The following FUT8 variants were observed in gnomAD, a reference collection of about 807,000 sequenced individuals.
FUT8 encodes the protein fucosyltransferase 8.
FUT8 carries 29 observed loss-of-function variants against 71.3 expected under a neutral mutation model. The observed-to-expected ratio is 0.41, with a 90% confidence interval of 0.30 to 0.55. The LOEUF (loss-of-function observed/expected upper bound fraction) is 0.55, where lower values mean the gene tolerates loss of function less well. Ranked by LOEUF, FUT8 falls within the 20% of genes least tolerant of loss-of-function variation. FUT8 has a pLI of 0.34. For synonymous variants in FUT8, 254 were observed against 239.3 expected (o/e 1.06, Z -0.57); for missense variants, 544 against 702.1 (o/e 0.77, Z 2.55).
chr14:65,525,251 G>A (rs1309765367), intron 2 of FUT8, among the ~76,000 whole-genome samples: 2 of 152,154 alleles, frequency 1.3e-5, no homozygotes, highest in East Asian at 3.8e-4. Flanking sequence ...GCCTGTGATT[G>A]GTCTATTCAG....
intron 7 of FUT8, among the ~76,000 whole-genome samples, chr14:65,694,005 G>A (rs572074569): frequency 1.3e-4 from 20 of 151,496 alleles, no homozygotes; most frequent in Admixed American, 2.6e-4. Context: ...CTTTATTATC[G>A]TTTTAACGTC....
chr14:65,738,890 T>C (rs1335724276), intron 10 of FUT8, among the ~76,000 whole-genome samples: 2 of 152,120 alleles, frequency 1.3e-5, no homozygotes, highest in Admixed American at 6.6e-5. Flanking sequence ...GCTGGTATTA[T>C]GCCTGGAGCA....
intron 2 of FUT8, among the ~76,000 whole-genome samples, chr14:65,507,872 C>T (rs1022834881): frequency 1.6e-4 from 24 of 152,188 alleles, no homozygotes; most frequent in African/African-American, 5.5e-4. Flanking sequence ...TTTTAAGGAA[C>T]GTCCAAACTC....
chr14:65,387,686 T>C, the FUT8 span, among the ~76,000 whole-genome samples: 1 of 152,252 alleles, frequency 6.6e-6, no homozygotes, highest in Non-Finnish European at 1.5e-5. Context: ...TTGCCTGTGC[T>C]GTAGCCTGGA....
chr14:65,646,958 A>G (rs1422361611), intron 6 of FUT8, among the ~76,000 whole-genome samples: 1 of 152,210 alleles, frequency 6.6e-6, no homozygotes, highest in African/African-American at 2.4e-5. Flanking sequence ...GTGTACTTGG[A>G]TTATGCAAAT....
intron 3 of FUT8, among the ~76,000 whole-genome samples, chr14:65,606,506 T>C (rs1888598945): frequency 6.6e-6 from 1 of 151,916 alleles, no homozygotes; most frequent in Non-Finnish European, 1.5e-5. Flanking sequence ...AAATTTCTTC[T>C]AAAATTTTTA....
chr14:65,632,023 C>T (rs1003970602), intron 6 of FUT8, among the ~76,000 whole-genome samples: 3 of 152,172 alleles, frequency 2.0e-5, no homozygotes, highest in Admixed American at 6.5e-5. Flanking sequence ...CTGCAAATGT[C>T]GTTAATTCAT....
chr14:65,428,191 G>A (rs2065417606), intron 1 of FUT8, among the ~76,000 whole-genome samples: 4 of 152,056 alleles, frequency 2.6e-5, no homozygotes, highest in African/African-American at 7.2e-5. Flanking sequence ...TTCTTAAAAG[G>A]TACATTAACT....
In FUT8 at chr14:65,637,232, T is replaced by C. The variant is rs79102334; in HGVS notation, c.597+7626T>C. 5.7e-3 allele frequency among the ~76,000 whole-genome samples: 875 copies of C among 152,334 alleles called. 30 individuals are homozygous for C. In the East Asian group the frequency reaches 0.093, roughly 16 times the overall value. ...AGTCCACATTTTACCATAATATAAGTCATTTTCCTAGACTTTTGGGTGATT... is the reference window on the plus strand; with the variant it reads ...AGTCCACATTTTACCATAATATAAGCCATTTTCCTAGACTTTTGGGTGATT... On this transcript the variant is annotated intron_variant, in intron 6 of 10. Coordinates refer to ENST00000673929, the MANE Select transcript of FUT8 (RefSeq NM_001371533.1).
chr14:65,644,195 G>T (rs1197020161), intron 6 of FUT8, among the ~76,000 whole-genome samples: 1 of 152,114 alleles, frequency 6.6e-6, no homozygotes, highest in African/African-American at 2.4e-5. Flanking sequence ...GTTTGGGGGA[G>T]TCACCTGAAA....
intron 1 of FUT8, among the ~76,000 whole-genome samples, chr14:65,442,824 A>T (rs1048945618): frequency 1.8e-5 from 1 of 54,462 alleles, no homozygotes; most frequent in Non-Finnish European, 6.6e-5. Context: ...CCATCTCATT[A>T]AAAAAAAAAA....
the FUT8 span, among the ~76,000 whole-genome samples, chr14:65,364,950 A>AC: frequency 6.6e-6 from 1 of 151,394 alleles, no homozygotes; most frequent in Admixed American, 6.6e-5. Context: ...GTCCACACAC[A>AC]CCCCTCATGC....
chr14:65,462,307 T>A (rs1246592318), intron 2 of FUT8, among the ~76,000 whole-genome samples: 1 of 152,204 alleles, frequency 6.6e-6, no homozygotes, highest in Non-Finnish European at 1.5e-5. Flanking sequence ...TGCCCTGATC[T>A]CTCTGACTTA....
intron 7 of FUT8, among the ~76,000 whole-genome samples, chr14:65,694,880 C>T (rs2140456619): frequency 8.8e-6 from 1 of 114,132 alleles, no homozygotes; most frequent in Admixed American, 1.3e-4. Context: ...ACATCACACT[C>T]TGGGGACTGT....
upstream of FUT8, among the ~76,000 whole-genome samples, chr14:65,409,781 T>G (rs2065103660): frequency 6.6e-6 from 1 of 152,188 alleles, no homozygotes; most frequent in African/African-American, 2.4e-5. The surrounding 1 kb of genome is among the most constrained non-coding windows in gnomAD (Gnocchi z 5.4). Context: ...AAGAAAACAA[T>G]GCACTGACAA....
intron 3 of FUT8, among the ~76,000 whole-genome samples, chr14:65,590,622 T>A (rs1887637338): frequency 6.6e-6 from 1 of 152,162 alleles, no homozygotes; most frequent in Admixed American, 6.5e-5. Context: ...TGGAATACAT[T>A]AGGTAAGAAT....
At chr14:65,361,655 G>T in the FUT8 span, among the ~76,000 whole-genome samples, 1 of 151,988 alleles carries the variant, frequency 6.6e-6, no homozygotes, top group Non-Finnish European at 1.5e-5. Flanking sequence ...GGGCGTGGTG[G>T]CATGTGCCTG....
intron 6 of FUT8, 150 bp downstream of exon 6, chr14:65,629,756 T>G (rs1340428350): frequency 1.6e-5 from 10 of 619,350 alleles, no homozygotes; most frequent in Non-Finnish European, 2.5e-5. Flanking sequence ...AGACACTGTG[T>G]TATGCCTTGA....
chr14:65,374,549 A>G, the FUT8 span, among the ~76,000 whole-genome samples: 1 of 151,654 alleles, frequency 6.6e-6, no homozygotes, highest in Non-Finnish European at 1.5e-5. Context: ...AGACAGCTGG[A>G]CTAGTGTGCC....
Sources: allele counts gnomAD v4.1 joint callset (sites outside exome capture counted in the v4.1 genomes callset), GRCh38; gene constraint gnomAD v4.1.1; non-coding constraint Gnocchi (gnomAD v3.1); transcripts MANE v1.5; gene names NCBI Gene and HGNC (gene_info 2026-07-23, HGNC 2026-07-21).